FBXO48: variants seen among roughly 807,000 people sequenced by gnomAD.
The protein encoded by FBXO48 is F-box only protein 48.
Under a neutral mutation model 14.3 loss-of-function variants are expected in FBXO48, and 12 were observed. The ratio of observed to expected loss-of-function variants is 0.84; its 90% CI spans 0.54 to 1.36. FBXO48 has a LOEUF of 1.36. FBXO48 is among the 40% of genes most tolerant of loss of function. The pLI is 0.00. For synonymous variants in FBXO48, 53 were observed against 61.7 expected, an observed-to-expected ratio of 0.86 and a Z score of 0.66; for missense variants, 177 against 179.1, an observed-to-expected ratio of 0.99 and a Z score of 0.07.
chr2:68,464,809 C>A (rs1242361172), intron 3 of FBXO48, 31 bp downstream of exon 3: 5 of 1,543,124 alleles, frequency 3.2e-6, no homozygotes, highest in Non-Finnish European at 3.6e-6. Context: ...ACGCTGTCAA[C>A]AACACTGCAG....
At chr2:68,466,000 T>C (rs572848865) in intron 2 of FBXO48, 144 bp downstream of exon 2, 1 of 152,198 alleles carries the variant, frequency 6.6e-6, no homozygotes, top group Non-Finnish European at 1.5e-5. Flanking sequence ...CTATCCTACA[T>C]GCATAATTAC....
rs940868960 is a variant in FBXO48, at chr2:68,460,472, T to C, written c.*3737A>G. ...TAGGAACTGGAGGAAGAACTACTTT[T>C]ATGAGATGGTAAGTTTTGATTCAGG... is the stretch of plus-strand genomic sequence containing the variant. On this transcript the variant is annotated 3_prime_UTR_variant, in exon 4 of 4. Coordinates refer to ENST00000377957, the MANE Select transcript of FBXO48 (RefSeq NM_001024680.3). 2 of 151,888 alleles carry C rather than the reference T, an allele frequency of 1.3e-5. No homozygotes were observed. The highest frequency in any genetic ancestry group is 2.4e-5 in the African/African-American group (1 of 41,378). The allele number at this position is 151,888 out of a possible 1,614,324, so 9.4% of individuals were successfully genotyped here.
At position 68,464,388 on chromosome 2, in the gene FBXO48, C is replaced by G. The variant is rs781355942; in HGVS notation, c.307-18G>C. On this transcript the variant is annotated intron_variant, in intron 3 of 3. Transcript: ENST00000377957. ...AGTATCACCTGAAAGAGGTAAATCA[C>G]CGTTAAAAAAGACTGTAGTAGGTGG... The G allele has an allele frequency of 1.2e-6, 2 of 1,611,340 alleles. No homozygotes were observed. The highest frequency in any genetic ancestry group is 4.5e-5 in the East Asian group (2 of 44,816).
chr2:68,467,214 G>A lies in FBXO48; in HGVS notation c.-364C>T, dbSNP rs1675443492. The A allele has an allele frequency of 6.6e-6, 1 of 152,394 alleles. No individual in the cohort carries two copies. The highest frequency in any genetic ancestry group is 6.5e-5 in the Admixed American group (1 of 15,282). The allele number at this position is 152,394 out of a possible 1,614,324, so 9.4% of individuals were successfully genotyped here. ...AACGGAAGACCCTTCTACCTACTAG[G>A]CCGCGGTAGCTTCTCCTCCCGCGAT... On this transcript the variant is annotated 5_prime_UTR_variant, in exon 1 of 4. Transcript: ENST00000377957.
Position 68,464,872 on chromosome 2 carries a change from C to T in FBXO48, c.274G>A (p.Asp92Asn), listed in dbSNP as rs139903910. 4 of 1,613,216 alleles carry T rather than the reference C, an allele frequency of 2.5e-6. No individual in the cohort carries two copies. Among genetic ancestry groups the T allele is most frequent in the South Asian group, 2.2e-5 (2 of 91,078 alleles). ...GAATAACCACTTTCTAGATCATCAT[C>T]TATTTCTCTTCGGCACACAGCTCTT... ...TVRAVCRREI[D>N]DDLESGYSWR... The change falls in exon 3 of 4, where the codon GAT (aspartate) becomes AAT (asparagine). Residue 92 changes from aspartate (D) to asparagine (N), a missense_variant. Transcript: ENST00000377957.
Position 68,465,217 on chromosome 2 carries a change from G to A in FBXO48, c.-33-39C>T, listed in dbSNP as rs1675371317. ...TTTAAACATGCTCAGTCTCCAAATA[G>A]GAGTATAAATCCTACTTTAAGTCAG... On this transcript the variant is annotated intron_variant, in intron 2 of 3. Coordinates refer to ENST00000377957, the MANE Select transcript of FBXO48 (RefSeq NM_001024680.3). 5 of 1,036,748 alleles carry A rather than the reference G, an allele frequency of 4.8e-6. No individual in the cohort carries two copies. The Admixed American group carries it at 8.0e-5, about 17-fold the overall frequency. The allele number at this position is 1,036,748 out of a possible 1,614,324, so 64.2% of individuals were successfully genotyped here.
intron 3 of FBXO48, among the ~76,000 whole-genome samples, 184 bp downstream of exon 3, chr2:68,464,656 A>T (rs1675352757): frequency 6.6e-6 from 1 of 152,192 alleles, no homozygotes; most frequent in African/African-American, 2.4e-5. Context: ...AATGAAAGAT[A>T]GTGTGGAAAC....
intron 1 of FBXO48, 86 bp downstream of exon 1, chr2:68,467,125 G>A (rs1354689954): frequency 6.6e-6 from 1 of 152,288 alleles, no homozygotes; most frequent in Admixed American, 6.5e-5. Flanking sequence ...TCCAGGCCGC[G>A]GAGGGAAGGC....
rs767622635 is a variant in FBXO48 at position 68,460,237 on chromosome 2, A to G, written c.*3972T>C. ...ACAGTAAAAGGAAGGAACTGGAGGC[A>G]GGAACACCAGTAAGAGGTTATTTTA... On this transcript the variant is annotated 3_prime_UTR_variant, in exon 4 of 4. Coordinates refer to ENST00000377957, the MANE Select transcript of FBXO48 (RefSeq NM_001024680.3). The G allele has an allele frequency of 6.6e-6, 1 of 152,240 alleles. No homozygotes were observed. Among genetic ancestry groups the G allele is most frequent in the South Asian group, 2.1e-4 (1 of 4,832 alleles). The allele number at this position is 152,240 out of a possible 1,614,324, so 9.4% of individuals were successfully genotyped here. A position where few individuals can be genotyped will look rare whatever the true frequency, so the allele number is the denominator to read the frequency against.
In FBXO48 at chr2:68,460,215, G is replaced by C. The variant is rs1675229271; in HGVS notation, c.*3994C>G. 1 of 152,166 alleles carries C rather than the reference G, an allele frequency of 6.6e-6. No homozygotes were observed. Among genetic ancestry groups the C allele is most frequent in the Non-Finnish European group, 1.5e-5 (1 of 68,026 alleles). The allele number at this position is 152,166 out of a possible 1,614,324, so 9.4% of individuals were successfully genotyped here. On this transcript the variant is annotated 3_prime_UTR_variant, in exon 4 of 4. Coordinates refer to ENST00000377957, the MANE Select transcript of FBXO48 (RefSeq NM_001024680.3). ...TTTAACAAAGACTACACTGCTAACA[G>C]TAAAAGGAAGGAACTGGAGGCAGGA...
chr2:68,464,037 T>A lies in FBXO48; in HGVS notation c.*172A>T. On this transcript the variant is annotated 3_prime_UTR_variant, in exon 4 of 4. Transcript: ENST00000377957. ...CCACATTACAATAAAACCAGAAAAA[T>A]TTTACTAAAGTGCAAAACAAAAATA... is the stretch of plus-strand genomic sequence containing the variant. 1.7e-6 allele frequency: 1 copy of A among 573,128 alleles called. No homozygotes were observed. Among genetic ancestry groups the A allele is most frequent in the Non-Finnish European group, 2.9e-6 (1 of 340,090 alleles). 35.5% of individuals were successfully genotyped at this position (573,128 alleles called of 1,614,324 possible).
Position 68,464,380 on chromosome 2 carries a change from GTAAA to G in FBXO48, c.307-14_307-11del. The G allele has an allele frequency of 1.2e-6, 2 of 1,612,408 alleles. No individual in the cohort carries two copies. The highest frequency in any genetic ancestry group is 1.7e-6 in the Non-Finnish European group (2 of 1,179,170). ...TCCTCAGCAGTATCACCTGAAAGAG[GTAAA>G]TCACCGTTAAAAAAGACTGTAGTAG... On this transcript the variant is annotated splice_polypyrimidine_tract_variant and intron_variant, in intron 3 of 3. Transcript: ENST00000377957.
chr2:68,466,223 A>G lies in FBXO48; in HGVS notation c.-113T>C, dbSNP rs2103857372. The stretch of plus-strand genomic sequence containing the variant: ...CACCATCCTTGAGTTACTTTTGTAT[A>G]TAAAGACAGCTTGTATTCACTTAAA... On this transcript the variant is annotated 5_prime_UTR_variant, in exon 2 of 4. Coordinates refer to ENST00000377957, the MANE Select transcript of FBXO48 (RefSeq NM_001024680.3). 1 of 152,358 alleles carries G rather than the reference A, an allele frequency of 6.6e-6. No individual in the cohort carries two copies. The highest frequency in any genetic ancestry group is 1.9e-4 in the East Asian group (1 of 5,192). The allele number at this position is 152,358 out of a possible 1,614,324, so 9.4% of individuals were successfully genotyped here.
At position 68,461,250 on chromosome 2, in the gene FBXO48, G is replaced by A. The variant is rs887998172; in HGVS notation, c.*2959C>T. 1 of 151,006 alleles carries A rather than the reference G, an allele frequency of 6.6e-6. No individual in the cohort carries two copies. Among genetic ancestry groups the A allele is most frequent in the South Asian group, 2.1e-4 (1 of 4,776 alleles). The allele number at this position is 151,006 out of a possible 1,614,324, so 9.4% of individuals were successfully genotyped here. A position where few individuals can be genotyped will look rare whatever the true frequency, so the allele number is the denominator to read the frequency against. On this transcript the variant is annotated 3_prime_UTR_variant, in exon 4 of 4. Coordinates refer to ENST00000377957, the MANE Select transcript of FBXO48 (RefSeq NM_001024680.3). ...CCTGCAATTGTTCTTTCCCCTGGTG[G>A]CTCCACATTCTCTTACTTAAGATCC...
Position 68,462,593 on chromosome 2 carries a change from G to A in FBXO48, c.*1616C>T, listed in dbSNP as rs183540005. The A allele has an allele frequency of 5.9e-4, 90 of 152,426 alleles. No homozygotes were observed. Among genetic ancestry groups the A allele is most frequent in the African/African-American group, 2.1e-3 (87 of 41,566 alleles). 9.4% of individuals were successfully genotyped at this position (152,426 alleles called of 1,614,324 possible). ...GGCTGGTCTTGAACTTCTGACCTGA[G>A]GTGATCCACCCACCTTGGTCTCCCA... On this transcript the variant is annotated 3_prime_UTR_variant, in exon 4 of 4. Coordinates refer to ENST00000377957, the MANE Select transcript of FBXO48 (RefSeq NM_001024680.3).
rs572093385 is a variant in FBXO48, at chr2:68,460,644, T to C, written c.*3565A>G. 1 of 152,090 alleles carries C rather than the reference T, an allele frequency of 6.6e-6. No homozygotes were observed. Among genetic ancestry groups the C allele is most frequent in the South Asian group, 2.1e-4 (1 of 4,824 alleles). 9.4% of individuals were successfully genotyped at this position (152,090 alleles called of 1,614,324 possible). ...GAGATCTGATGTTGGGACACGGACA[T>C]AGACGGCATTAGCACCAACAATGGT... On this transcript the variant is annotated 3_prime_UTR_variant, in exon 4 of 4. Coordinates refer to ENST00000377957, the MANE Select transcript of FBXO48 (RefSeq NM_001024680.3).
At chr2:68,465,488 C>G (rs550135889) in intron 2 of FBXO48, among the ~76,000 whole-genome samples, 1 of 145,520 alleles carries the variant, frequency 6.9e-6, no homozygotes, top group Non-Finnish European at 1.5e-5. Flanking sequence ...CAGCCTCAAG[C>G]GATTCTCTTG....
chr2:68,466,530 G>GT (rs1253999641), intron 1 of FBXO48, 60 bp from the exon 2 acceptor site: 1 of 152,186 alleles, frequency 6.6e-6, no homozygotes, highest in Non-Finnish European at 1.5e-5. Flanking sequence ...TCAAGAGCAA[G>GT]TTTTTGCCAT....
At chr2:68,467,012 G>C (rs1041719592) in intron 1 of FBXO48, among the ~76,000 whole-genome samples, 199 bp downstream of exon 1, 2 of 152,274 alleles carry the variant, frequency 1.3e-5, no homozygotes, top group South Asian at 4.2e-4. Context: ...CGTCCCGTCT[G>C]AGCCACCCTC....
Sources: allele counts gnomAD v4.1 joint callset (sites outside exome capture counted in the v4.1 genomes callset), GRCh38; gene constraint gnomAD v4.1.1; transcripts MANE v1.5; gene names NCBI Gene and HGNC (gene_info 2026-07-23, HGNC 2026-07-21).